MIAT: variants seen among roughly 807,000 people sequenced by gnomAD.
MIAT encodes the protein myocardial infarction associated transcript.
chr22:26,656,707 C>T (rs1930467247), intron 2 of MIAT, among the ~76,000 whole-genome samples: 1 of 152,150 alleles, frequency 6.6e-6, no homozygotes, highest in Non-Finnish European at 1.5e-5. Context: ...CATCCCTACT[C>T]TAGAAAATAG....
intron 2 of MIAT, among the ~76,000 whole-genome samples, chr22:26,647,607 A>G (rs943877000): frequency 3.3e-5 from 5 of 152,072 alleles, no homozygotes; most frequent in Admixed American, 3.3e-4. Flanking sequence ...ATGAGGGTGG[A>G]ACCTTGGGCT....
At chr22:26,674,358 G>A (rs750490594), downstream of MIAT, 8 of 398,676 alleles carry the variant, frequency 2.0e-5, no homozygotes, top group South Asian at 2.5e-4. Flanking sequence ...GATTCCAGGT[G>A]CAGGTAAAAG....
downstream of MIAT, chr22:26,671,781 G>T: frequency 2.5e-6 from 1 of 398,396 alleles, no homozygotes; most frequent in East Asian, 3.6e-5. Context: ...CTTACAGGTT[G>T]CAGTGAGGAT....
chr22:26,670,648 G>A (rs1273433722), downstream of MIAT: 5 of 359,490 alleles, frequency 1.4e-5, no homozygotes, highest in East Asian at 7.6e-5. Flanking sequence ...TTCAAATTCC[G>A]CTGCACTACT....
intron 5 of MIAT, chr22:26,668,065 G>C (rs964703419): frequency 2.8e-5 from 11 of 397,684 alleles, no homozygotes; most frequent in Admixed American, 4.4e-5. Flanking sequence ...CTCTGAACAT[G>C]AGTCCCCTCA....
downstream of MIAT, chr22:26,672,468 A>T (rs1192126946): frequency 1.5e-5 from 6 of 399,324 alleles, no homozygotes; most frequent in Non-Finnish European, 2.7e-5. Flanking sequence ...CATCTCTCCT[A>T]TGTGCAGAAG....
downstream of MIAT, chr22:26,672,359 C>T: frequency 5.0e-6 from 2 of 399,192 alleles, no homozygotes; most frequent in Non-Finnish European, 8.8e-6. Context: ...AGATCAGAGT[C>T]CACTGGGCCA....
At chr22:26,647,126 C>T (rs543790835) in intron 1 of MIAT, 1 of 398,474 alleles carries the variant, frequency 2.5e-6, no homozygotes, top group South Asian at 1.3e-4. Context: ...AAACGGAGAC[C>T]TCAGGCAAGC....
chr22:26,675,739 A>G (rs1222539667), exon 5 of MIAT: 1 of 398,554 alleles, frequency 2.5e-6, no homozygotes, highest in African/African-American at 2.1e-5. Context: ...CTGCAAGTCT[A>G]TAAGATAATT....
At chr22:26,656,348 G>C (rs906858285) in intron 2 of MIAT, among the ~76,000 whole-genome samples, 14 of 148,774 alleles carry the variant, frequency 9.4e-5, no homozygotes, top group African/African-American at 3.5e-4. Flanking sequence ...TTTTGAGATG[G>C]GGTCTGGCTC....
At chr22:26,662,575 G>A (rs952233252) in intron 2 of MIAT, among the ~76,000 whole-genome samples, 8 of 152,144 alleles carry the variant, frequency 5.3e-5, no homozygotes, top group South Asian at 4.1e-4. Flanking sequence ...AAGAAACAGC[G>A]CTTTAATTCT....
intron 2 of MIAT, among the ~76,000 whole-genome samples, chr22:26,659,785 CAA>C (rs112543684): frequency 2.2e-5 from 3 of 138,762 alleles, no homozygotes; most frequent in South Asian, 2.2e-4. Flanking sequence ...TTAGAAAAGA[CAA>C]AAAAAAAAGA....
At chr22:26,669,154 A>C (rs6005121) in exon 6 of MIAT, 2 of 398,488 alleles carry the variant, frequency 5.0e-6, no homozygotes, top group Non-Finnish European at 8.8e-6. Context: ...CCTCCAGAGG[A>C]GACAGTCCCA....
chr22:26,665,986 T>A (rs1353293546), exon 4 of MIAT: 2 of 398,524 alleles, frequency 5.0e-6, no homozygotes, highest in African/African-American at 2.1e-5. Context: ...CACTTTGTGA[T>A]CATATTTATA....
At chr22:26,666,905 T>TG (rs1444027829) in exon 4 of MIAT, 1 of 150,636 alleles carries the variant, frequency 6.6e-6, no homozygotes, top group East Asian at 2.2e-4. Flanking sequence ...GCTGGGAGCC[T>TG]GGGCTGCCTG....
exon 4 of MIAT, chr22:26,666,160 T>A (rs549285798): frequency 2.5e-6 from 1 of 398,534 alleles, no homozygotes; most frequent in South Asian, 1.3e-4. Context: ...CTGAGAGAGC[T>A]CCCTGACTCT....
rs531349666 is a variant in MIAT at position 26,647,293 on chromosome 22, G to T, written n.628G>T. ...ACACCCTTCACCGTGCCCTGGAGAT[G>T]CTGGGATGCGACAAAAAAGTAGGCT... On this transcript the variant is annotated non_coding_transcript_exon_variant, in exon 2 of 6. Coordinates refer to ENST00000643270, the Ensembl canonical transcript of MIAT. 6 of 392,010 alleles carry T rather than the reference G, an allele frequency of 1.5e-5. No homozygotes were observed. The East Asian group carries it at 1.8e-4, about 12-fold the overall frequency. The allele number at this position is 392,010 out of a possible 1,614,324, so 24.3% of individuals were successfully genotyped here.
exon 5 of MIAT, chr22:26,674,793 T>G (rs1441071458): frequency 2.5e-6 from 1 of 398,582 alleles, no homozygotes; most frequent in Non-Finnish European, 4.4e-6. Context: ...ACACCTCCTA[T>G]TCCTGAAACT....
chr22:26,647,972 C>G (rs1405490027), intron 2 of MIAT, among the ~76,000 whole-genome samples: 2 of 152,236 alleles, frequency 1.3e-5, no homozygotes, highest in Non-Finnish European at 2.9e-5. Flanking sequence ...TTGTCTTCCC[C>G]ATCCCAATTC....
Sources: gnomAD v4.1 joint callset for allele counts (sites outside exome capture counted in the v4.1 genomes callset) on GRCh38, gnomAD v4.1.1 for gene constraint, MANE v1.5 for transcripts, NCBI Gene and HGNC (gene_info 2026-07-23, HGNC 2026-07-21) for gene names.